XPNPEP3: variants seen among roughly 807,000 people sequenced by gnomAD.
XPNPEP3 encodes xaa-Pro aminopeptidase 3.
XPNPEP3 carries 41 observed loss-of-function variants against 60.0 expected under a neutral mutation model. The ratio of observed to expected loss-of-function variants is 0.68; its 90% CI spans 0.53 to 0.89. The LOEUF (loss-of-function observed/expected upper bound fraction) is 0.89. Ranked by LOEUF, XPNPEP3 falls within the 40% of genes least tolerant of loss-of-function variation. The probability of loss-of-function intolerance (pLI) is 0.00; values close to 1 mark genes in which losing one functional copy is unlikely to be tolerated. For synonymous variants in XPNPEP3, 212 were observed against 223.2 expected, an observed-to-expected ratio of 0.95 and a Z score of 0.45; for missense variants, 598 against 638.9, an observed-to-expected ratio of 0.94 and a Z score of 0.69.
chr22:40,888,402 C>A, intron 4 of XPNPEP3: 1 of 440,732 alleles, frequency 2.3e-6, no homozygotes, highest in Non-Finnish European at 4.5e-6. Context: ...TGCCACTATG[C>A]CTGCTAATTT....
In XPNPEP3 at chr22:40,889,828, T is replaced by TA. The variant is rs558455187; in HGVS notation, c.792+3320dup. On this transcript the variant is annotated intron_variant, in intron 4 of 9. Transcript: ENST00000357137. ...TTGGTGACAGAGCAAACACTGTCTCTAAAAAAATGCATACACAGAATCCAA... is the reference window on the plus strand; with the variant it reads ...TTGGTGACAGAGCAAACACTGTCTCTAAAAAAAATGCATACACAGAATCCAA... 4.4e-4 allele frequency among the ~76,000 whole-genome samples: 67 copies of TA among 152,112 alleles called. 2 individuals carry two copies. In the South Asian group the frequency reaches 0.013, roughly 31 times the overall value.
At chr22:40,860,737 A>G (rs371177723) in intron 1 of XPNPEP3, 4 of 824,326 alleles carry the variant, frequency 4.9e-6, no homozygotes, top group Non-Finnish European at 7.5e-6. Flanking sequence ...ACTGCAACCT[A>G]TGTCTTCCAG....
chr22:40,869,118 A>G lies in XPNPEP3; in HGVS notation c.181+3A>G. 2 of 1,610,588 alleles carry G rather than the reference A, an allele frequency of 1.2e-6. No homozygotes were observed. Among genetic ancestry groups the G allele is most frequent in the South Asian group, 2.2e-5 (2 of 91,022 alleles). Reference sequence around the variant, plus strand: ...ACACCCACACCTCCTCAGACCAGGTAAGGCCTTTTAACTGTGCTATCTCCC... The same window carrying G: ...ACACCCACACCTCCTCAGACCAGGTGAGGCCTTTTAACTGTGCTATCTCCC... On this transcript the variant is annotated splice_donor_region_variant and intron_variant, in intron 2 of 9. Transcript: ENST00000357137.
chr22:40,872,124 T>TC (rs2058008337), intron 2 of XPNPEP3, among the ~76,000 whole-genome samples: 1 of 152,170 alleles, frequency 6.6e-6, no homozygotes, highest in Admixed American at 6.5e-5. Flanking sequence ...TACCTACCTA[T>TC]CCAAGTTTCC....
rs908444937 is a variant in XPNPEP3, at chr22:40,857,299, G to C, written c.64+54G>C. On this transcript the variant is annotated intron_variant, in intron 1 of 9. Coordinates refer to ENST00000357137, the MANE Select transcript of XPNPEP3 (RefSeq NM_022098.4). ...CATGGTGTCCCCTGGAGGGACCCAA[G>C]TTGGTCTCAGGCGATCCCTGGTTCG... is the stretch of plus-strand genomic sequence containing the variant. 5 of 1,602,554 alleles carry C rather than the reference G, an allele frequency of 3.1e-6. No homozygotes were observed. The South Asian group carries it at 4.4e-5, about 14-fold the overall frequency.
chr22:40,885,229 A>C (rs957200597), intron 3 of XPNPEP3, among the ~76,000 whole-genome samples: 12 of 152,178 alleles, frequency 7.9e-5, no homozygotes, highest in African/African-American at 2.9e-4. Flanking sequence ...CTTTCCCCAA[A>C]GTACTTTTTA....
In XPNPEP3 at chr22:40,922,522, C is replaced by A; in HGVS notation, c.1236+9C>A. ...AAAATAATGCCTTCAAGGTACTTCA[C>A]TTCTCTTGACCCCAGTTCTCAAGAA... On this transcript the variant is annotated intron_variant, in intron 8 of 9. Transcript: ENST00000357137. The A allele has an allele frequency of 6.2e-7, 1 of 1,613,580 alleles. No homozygotes were observed. The highest frequency in any genetic ancestry group is 8.5e-7 in the Non-Finnish European group (1 of 1,179,848).
chr22:40,908,333 A>C (rs1569029003), intron 5 of XPNPEP3, among the ~76,000 whole-genome samples: 1 of 152,188 alleles, frequency 6.6e-6, no homozygotes, highest in Non-Finnish European at 1.5e-5. Flanking sequence ...CAGCCTGGGC[A>C]ACATACTGAG....
chr22:40,863,576 A>T (rs1289980970), intron 1 of XPNPEP3, among the ~76,000 whole-genome samples: 1 of 152,168 alleles, frequency 6.6e-6, no homozygotes, highest in African/African-American at 2.4e-5. Flanking sequence ...GGTATTGTGA[A>T]ATGCTTAAAA....
chr22:40,876,365 A>G (rs1768951530), intron 2 of XPNPEP3, among the ~76,000 whole-genome samples: 1 of 152,182 alleles, frequency 6.6e-6, no homozygotes, highest in South Asian at 2.1e-4. Context: ...TAAATTTTTT[A>G]TTTTGGTAAT....
intron 4 of XPNPEP3, among the ~76,000 whole-genome samples, chr22:40,900,324 G>A (rs1378777517): frequency 6.7e-6 from 1 of 150,170 alleles, no homozygotes; most frequent in Non-Finnish European, 1.5e-5. Flanking sequence ...AAAAAAAAAG[G>A]CCGGGTACGG....
At chr22:40,861,227 A>T in intron 1 of XPNPEP3, 1 of 1,614,072 alleles carries the variant, frequency 6.2e-7, no homozygotes, top group Non-Finnish European at 8.5e-7. Flanking sequence ...ATTGAGATAC[A>T]TGTTTGGAGC....
At chr22:40,913,515 C>T (rs1039386358) in intron 6 of XPNPEP3, among the ~76,000 whole-genome samples, 96 of 150,986 alleles carry the variant, frequency 6.4e-4, no homozygotes, top group Admixed American at 1.4e-3. Flanking sequence ...TAAGGCCCGG[C>T]ATACCACTGG....
chr22:40,886,653 G>T (rs533516998), intron 4 of XPNPEP3, 138 bp downstream of exon 4: 4 of 745,964 alleles, frequency 5.4e-6, no homozygotes, highest in Middle Eastern at 4.0e-4. Context: ...GTGAAACCCC[G>T]TCTCTACTAA....
chr22:40,902,577 G>T (rs2058138684), intron 4 of XPNPEP3, among the ~76,000 whole-genome samples: 1 of 151,876 alleles, frequency 6.6e-6, no homozygotes, highest in Admixed American at 6.6e-5. Context: ...CAGAGACGGG[G>T]TTTCACCATG....
rs965156475 is a variant in XPNPEP3 at position 40,926,764 on chromosome 22, T to A, written c.*329T>A. 3 of 352,730 alleles carry A rather than the reference T, an allele frequency of 8.5e-6. No individual in the cohort carries two copies. The highest frequency in any genetic ancestry group is 4.3e-5 in the Admixed American group (1 of 23,380). 21.9% of individuals were successfully genotyped at this position (352,730 alleles called of 1,614,324 possible). ...ATTCCAGTTAACACATTTAAACATA[T>A]AGAAAATTCACTTCTTCTTTCAAGT... is the stretch of plus-strand genomic sequence containing the variant. On this transcript the variant is annotated 3_prime_UTR_variant, in exon 10 of 10. Transcript: ENST00000357137.
rs1406621629 is a variant in XPNPEP3 at position 40,866,538 on chromosome 22, TTAGCCGGGGTTCTTCAAG to T, written c.65-2456_65-2439del. Among the ~76,000 whole-genome samples the T allele has an allele frequency of 2.0e-5, 3 of 152,316 alleles. No individual in the cohort carries two copies. In the East Asian group the frequency reaches 5.8e-4, roughly 29 times the overall value. Reference sequence around the variant, plus strand: ...AAATGCTATTATGATGCAGAATGATTTAGCCGGGGTTCTTCAAGTAGCTTAGTGTGGCTGCAATAATGT... The same window carrying T: ...AAATGCTATTATGATGCAGAATGATTTAGCTTAGTGTGGCTGCAATAATGT... On this transcript the variant is annotated intron_variant, in intron 1 of 9. Coordinates refer to ENST00000357137, the MANE Select transcript of XPNPEP3 (RefSeq NM_022098.4).
At chr22:40,902,635 G>A (rs2058138943) in intron 4 of XPNPEP3, among the ~76,000 whole-genome samples, 1 of 151,972 alleles carries the variant, frequency 6.6e-6, no homozygotes, top group Non-Finnish European at 1.5e-5. Context: ...CGCCTGCCTC[G>A]GCCTCCCAAA....
At chr22:40,866,018 TAA>T (rs772219696) in intron 1 of XPNPEP3, among the ~76,000 whole-genome samples, 82 of 152,300 alleles carry the variant, frequency 5.4e-4, no homozygotes, top group Non-Finnish European at 1.0e-3. Context: ...TCCCTGAAAT[TAA>T]GATTGCTCTT....
Sources: allele counts gnomAD v4.1 joint callset (sites outside exome capture counted in the v4.1 genomes callset), GRCh38; gene constraint gnomAD v4.1.1; transcripts MANE v1.5; gene names NCBI Gene and HGNC (gene_info 2026-07-23, HGNC 2026-07-21).